Variants in ACTR3B observed in about 807,000 individuals in gnomAD.
ACTR3B encodes actin related protein 3B, also known as actin-related protein 3B.
A neutral mutation model predicts 59.0 loss-of-function variants in ACTR3B; 8 were observed. That is an observed-to-expected ratio of 0.14 (90% CI 0.08 to 0.24). The LOEUF (loss-of-function observed/expected upper bound fraction) is 0.24, where lower values mean the gene tolerates loss of function less well. Ranked by LOEUF, ACTR3B falls within the 10% of genes least tolerant of loss-of-function variation. The pLI is 1.00. For synonymous variants in ACTR3B, 148 were observed against 197.9 expected, an observed-to-expected ratio of 0.75 and a Z score of 2.12; for missense variants, 245 against 552.3, an observed-to-expected ratio of 0.44 and a Z score of 5.58.
At chr7:152,809,483 C>T (rs889165484) in intron 4 of ACTR3B, among the ~76,000 whole-genome samples, 2 of 152,066 alleles carry the variant, frequency 1.3e-5, no homozygotes, top group Admixed American at 1.3e-4. Context: ...GTTCATGTTC[C>T]AGGGGTGATT....
intron 9 of ACTR3B, among the ~76,000 whole-genome samples, chr7:152,831,966 A>G (rs1797068239): frequency 6.6e-6 from 1 of 152,168 alleles, no homozygotes; most frequent in Non-Finnish European, 1.5e-5. Flanking sequence ...CAGGAGTGTA[A>G]TGTGACCCAA....
Position 152,759,778 on chromosome 7 carries a change from G to C in ACTR3B, c.-105G>C. 1 of 921,864 alleles carries C rather than the reference G, an allele frequency of 1.1e-6. No homozygotes were observed. The highest frequency in any genetic ancestry group is 5.0e-5 in the South Asian group (1 of 20,078). 57.1% of individuals were successfully genotyped at this position (921,864 alleles called of 1,614,324 possible). A position where few individuals can be genotyped will look rare whatever the true frequency, so the allele number is the denominator to read the frequency against. On this transcript the variant is annotated 5_prime_UTR_variant, in exon 1 of 12. Transcript: ENST00000256001. ...TCCGGGCTCCCGGCAGCGGCGCTGC[G>C]GCGGCTCGCGGGAGACGCTGCGCGC...
At chr7:152,825,721 G>T (rs1796517713) in intron 9 of ACTR3B, among the ~76,000 whole-genome samples, 1 of 152,088 alleles carries the variant, frequency 6.6e-6, no homozygotes, top group Non-Finnish European at 1.5e-5. Flanking sequence ...AGTAAGAGCG[G>T]TGCCCTCCCC....
chr7:152,770,070 CAT>C (rs1370191900), intron 1 of ACTR3B, among the ~76,000 whole-genome samples: 1 of 151,954 alleles, frequency 6.6e-6, no homozygotes. Flanking sequence ...TTGATTTTAC[CAT>C]ATGTCTTATA....
intron 1 of ACTR3B, among the ~76,000 whole-genome samples, chr7:152,768,856 AT>A (rs936484267): frequency 2.2e-4 from 32 of 143,786 alleles, no homozygotes; most frequent in Non-Finnish European, 2.8e-4. Flanking sequence ...AGGGCTTCCA[AT>A]TTTTTTTTTT....
chr7:152,842,091 G>A (rs1319648426), intron 9 of ACTR3B, among the ~76,000 whole-genome samples: 4 of 152,156 alleles, frequency 2.6e-5, no homozygotes, highest in Admixed American at 2.0e-4. Context: ...TTGACTTCCC[G>A]AAGTTTCATA....
In ACTR3B at chr7:152,759,968, C is replaced by G. The variant is rs556017240; in HGVS notation, c.44+42C>G. On this transcript the variant is annotated intron_variant, in intron 1 of 11. Transcript: ENST00000256001. Reference sequence around the variant, plus strand: ...GCCCACCCCCGCTCCTCCGCGGCCCCGCTCCCGGCCCCTGGCGTCCACCTC... The same window carrying G: ...GCCCACCCCCGCTCCTCCGCGGCCCGGCTCCCGGCCCCTGGCGTCCACCTC... The G allele has an allele frequency of 6.5e-4, 860 of 1,316,938 alleles. 8 individuals are homozygous for G. In the African/African-American group the frequency reaches 0.011, roughly 18 times the overall value. 81.6% of individuals were successfully genotyped at this position (1,316,938 alleles called of 1,614,324 possible). A position where few individuals can be genotyped will look rare whatever the true frequency, so the allele number is the denominator to read the frequency against.
chr7:152,817,648 A>T (rs1347225776), intron 6 of ACTR3B, among the ~76,000 whole-genome samples: 1 of 152,170 alleles, frequency 6.6e-6, no homozygotes, highest in Non-Finnish European at 1.5e-5. Context: ...TCTCCTCCTC[A>T]GGAACCACCA....
intron 4 of ACTR3B, among the ~76,000 whole-genome samples, chr7:152,803,823 G>A (rs746808486): frequency 2.2e-4 from 33 of 152,326 alleles, no homozygotes; most frequent in Admixed American, 7.8e-4. Flanking sequence ...AGAAAATATC[G>A]TATTACATGT....
At chr7:152,804,212 G>A (rs1161784660) in intron 4 of ACTR3B, among the ~76,000 whole-genome samples, 2 of 152,310 alleles carry the variant, frequency 1.3e-5, no homozygotes, top group South Asian at 2.1e-4. Flanking sequence ...ATATTGCATT[G>A]CCCAGAGCTC....
intron 4 of ACTR3B, among the ~76,000 whole-genome samples, chr7:152,803,450 T>C (rs2098243105): frequency 6.6e-6 from 1 of 152,234 alleles, no homozygotes; most frequent in Non-Finnish European, 1.5e-5. Context: ...CTGTCAGATT[T>C]GGCATTTTTC....
At chr7:152,807,076 A>G (rs1051264395) in intron 4 of ACTR3B, among the ~76,000 whole-genome samples, 44 of 152,232 alleles carry the variant, frequency 2.9e-4, no homozygotes, top group Admixed American at 1.8e-3. Flanking sequence ...TTGCTGCCGT[A>G]AGTCTGTCTG....
chr7:152,762,286 G>A (rs1403104233), intron 1 of ACTR3B, among the ~76,000 whole-genome samples: 1 of 152,166 alleles, frequency 6.6e-6, no homozygotes, highest in Non-Finnish European at 1.5e-5. Flanking sequence ...ATAGTTTTCA[G>A]AGAATATTTC....
At chr7:152,842,145 C>G (rs925637212) in intron 9 of ACTR3B, among the ~76,000 whole-genome samples, 3 of 152,162 alleles carry the variant, frequency 2.0e-5, no homozygotes, top group Admixed American at 2.0e-4. Flanking sequence ...TCCCAAGACC[C>G]CCAGTGGATG....
Position 152,854,894 on chromosome 7 carries a change from C to G in ACTR3B, c.*341C>G, listed in dbSNP as rs1452117366. ...ACAACATTAGAAAATGGCGCAAAAT[C>G]GTTAGGTCCCAGGAGAGAATGTGGG... On this transcript the variant is annotated 3_prime_UTR_variant, in exon 12 of 12. Coordinates refer to ENST00000256001, the MANE Select transcript of ACTR3B (RefSeq NM_020445.6). The surrounding 1 kb of genome is among the most constrained non-coding windows in gnomAD (Gnocchi z 4.9). The G allele has an allele frequency of 4.6e-6, 1 of 215,826 alleles. No individual in the cohort carries two copies. The highest frequency in any genetic ancestry group is 9.2e-6 in the Non-Finnish European group (1 of 108,496). The allele number at this position is 215,826 out of a possible 1,614,324, so 13.4% of individuals were successfully genotyped here. A position where few individuals can be genotyped will look rare whatever the true frequency, so the allele number is the denominator to read the frequency against.
At chr7:152,776,272 A>AAT (rs1467275017) in intron 1 of ACTR3B, among the ~76,000 whole-genome samples, 43 of 144,364 alleles carry the variant, frequency 3.0e-4, no homozygotes, top group African/African-American at 9.7e-4. Context: ...TTTGGGATAA[A>AAT]ATATATATAT....
chr7:152,816,766 C>G, intron 6 of ACTR3B, 178 bp downstream of exon 6: 1 of 476,584 alleles, frequency 2.1e-6, no homozygotes, highest in African/African-American at 2.2e-5. Flanking sequence ...AGGAATTCCC[C>G]AAGTATGTGG....
At chr7:152,799,652 A>G (rs181872211) in intron 2 of ACTR3B, among the ~76,000 whole-genome samples, 48 of 152,354 alleles carry the variant, frequency 3.2e-4, no homozygotes, top group African/African-American at 1.1e-3. Context: ...GCCTTAATGC[A>G]GGTATAAAAG....
chr7:152,783,043 G>GTTT lies in ACTR3B; in HGVS notation c.45-127_45-125dup, dbSNP rs60952213. On this transcript the variant is annotated intron_variant, in intron 1 of 11. Coordinates refer to ENST00000256001, the MANE Select transcript of ACTR3B (RefSeq NM_020445.6). Reference sequence around the variant, plus strand: ...AGTGTTTGATTCTCAGTGATCACAAGTTTTTTTTTTTTTTTTTTTAATTTC... The same window carrying GTTT: ...AGTGTTTGATTCTCAGTGATCACAAGTTTTTTTTTTTTTTTTTTTTTTAATTTC... 1,429 of 310,600 alleles carry GTTT rather than the reference G, an allele frequency of 4.6e-3. 2 individuals carry two copies. The highest frequency in any genetic ancestry group is 8.4e-3 in the East Asian group (168 of 20,100). The allele number at this position is 310,600 out of a possible 1,614,324, so 19.2% of individuals were successfully genotyped here.
Sources: allele counts gnomAD v4.1 joint callset (sites outside exome capture counted in the v4.1 genomes callset), GRCh38; gene constraint gnomAD v4.1.1; non-coding constraint Gnocchi (gnomAD v3.1); transcripts MANE v1.5; gene names NCBI Gene and HGNC (gene_info 2026-07-23, HGNC 2026-07-21).